The following IL23R variants were observed in gnomAD, a reference collection of about 807,000 sequenced individuals.
IL23R encodes the protein interleukin 23 receptor.
A neutral mutation model predicts 56.9 loss-of-function variants in IL23R; 34 were observed. The ratio of observed to expected loss-of-function variants is 0.60; its 90% CI spans 0.45 to 0.80. IL23R has a LOEUF of 0.80. Ranked by LOEUF, IL23R falls within the 30% of genes least tolerant of loss-of-function variation. IL23R has a pLI of 0.00. For synonymous variants in IL23R, 230 were observed against 249.2 expected, an observed-to-expected ratio of 0.92 and a Z score of 0.73; for missense variants, 635 against 730.0, an observed-to-expected ratio of 0.87 and a Z score of 1.50.
Position 67,229,064 on chromosome 1 carries a change from G to T in IL23R, c.956-7649G>T, listed in dbSNP as rs530362508. On this transcript the variant is annotated intron_variant, in intron 7 of 10. Transcript: ENST00000347310. Reference sequence around the variant, plus strand: ...CAAATTATCTGGCAGATTCTTTGAGGGACACCAGCTGTGTGTCCTCCAAGT... The same window carrying T: ...CAAATTATCTGGCAGATTCTTTGAGTGACACCAGCTGTGTGTCCTCCAAGT... Among the ~76,000 whole-genome samples the T allele has an allele frequency of 2.0e-5, 3 of 152,248 alleles. No homozygotes were observed. The South Asian group carries it at 6.2e-4, about 32-fold the overall frequency.
At chr1:67,170,731 G>A (rs1027437655) in intron 3 of IL23R, among the ~76,000 whole-genome samples, 1 of 152,170 alleles carries the variant, frequency 6.6e-6, no homozygotes, top group Non-Finnish European at 1.5e-5. Context: ...ACATTTTTGA[G>A]AATCAAGCCT....
intron 7 of IL23R, among the ~76,000 whole-genome samples, chr1:67,220,297 A>G (rs988312325): frequency 2.6e-5 from 4 of 152,048 alleles, no homozygotes; most frequent in African/African-American, 9.7e-5. Context: ...TGAACCCAAG[A>G]AGTGGAGGTT....
Position 67,258,668 on chromosome 1 carries a change from T to C in IL23R, c.1430T>C (p.Ile477Thr). The change falls in exon 11 of 11, where the codon ATT (isoleucine) becomes ACT (threonine). Residue 477 changes from isoleucine (I) to threonine (T), a missense_variant. By Grantham distance (89) the Ile-to-Thr change is moderately conservative. Coordinates refer to ENST00000347310, the MANE Select transcript of IL23R (RefSeq NM_144701.3). ...SLFDNTTVVY[I>T]PDLNTGYKPQ... is the part of the protein sequence containing the mutation. ...TTCGACAATACTACAGTTGTATATA[T>C]TCCTGATCTCAACACTGGATATAAA... The C allele has an allele frequency of 1.2e-6, 2 of 1,613,984 alleles. No individual in the cohort carries two copies. The highest frequency in any genetic ancestry group is 1.7e-6 in the Non-Finnish European group (2 of 1,179,966).
intron 9 of IL23R, among the ~76,000 whole-genome samples, chr1:67,247,479 T>C (rs1381612643): frequency 1.3e-5 from 2 of 152,214 alleles, no homozygotes; most frequent in East Asian, 1.9e-4. Flanking sequence ...TAATTTTGTA[T>C]TTTTAGTAGA....
intron 8 of IL23R, 62 bp downstream of exon 8, chr1:67,236,864 C>A: frequency 9.3e-7 from 1 of 1,077,320 alleles, no homozygotes; most frequent in Non-Finnish European, 1.4e-6. Context: ...TTTAACCCAT[C>A]ATACTGAAAA....
chr1:67,178,242 C>A (rs1169925465), intron 3 of IL23R, among the ~76,000 whole-genome samples: 5 of 152,120 alleles, frequency 3.3e-5, no homozygotes, highest in East Asian at 1.9e-4. Flanking sequence ...GATTCTTCCT[C>A]CCCATGAGCA....
intron 3 of IL23R, among the ~76,000 whole-genome samples, chr1:67,176,440 T>C (rs1268365945): frequency 6.6e-6 from 1 of 150,754 alleles, no homozygotes; most frequent in African/African-American, 2.5e-5. Context: ...GAGAACTTCA[T>C]ATTTCTTTTT....
intron 4 of IL23R, among the ~76,000 whole-genome samples, chr1:67,199,145 T>C (rs991066955): frequency 6.6e-6 from 1 of 152,236 alleles, no homozygotes; most frequent in African/African-American, 2.4e-5. Context: ...ATCACTTACA[T>C]GATACAGTCC....
At position 67,219,449 on chromosome 1, in the gene IL23R, C is replaced by T. The variant is rs1570873805; in HGVS notation, c.799-125C>T. 3 of 836,988 alleles carry T rather than the reference C, an allele frequency of 3.6e-6. No individual in the cohort carries two copies. The East Asian group carries it at 7.7e-5, about 22-fold the overall frequency. The allele number at this position is 836,988 out of a possible 1,614,324, so 51.8% of individuals were successfully genotyped here. A position where few individuals can be genotyped will look rare whatever the true frequency, so the allele number is the denominator to read the frequency against. ...GTACGGCCACGTTTTATATAAAGAA[C>T]ACTTTGTTTTCCTAGAGTCTAGAAG... On this transcript the variant is annotated intron_variant, in intron 6 of 10. Transcript: ENST00000347310.
In IL23R at chr1:67,159,935, A is replaced by T. The variant is rs574873076; in HGVS notation, c.-633-8157A>T. Among the ~76,000 whole-genome samples, 7 of 152,304 alleles carry T rather than the reference A, an allele frequency of 4.6e-5. No individual in the cohort carries two copies. In the South Asian group the frequency reaches 1.5e-3, roughly 32 times the overall value. On this transcript the variant is annotated intron_variant, in intron 1 of 10. Coordinates refer to the IL23R transcript ENST00000637002. ...ATTGTTATACACCTGCAGGGACTGA[A>T]TTTTCTCCTGTAACTGTTCATAAGA...
chr1:67,165,446 C>T (rs1275462622), upstream of IL23R, among the ~76,000 whole-genome samples: 1 of 152,112 alleles, frequency 6.6e-6, no homozygotes, highest in East Asian at 1.9e-4. Flanking sequence ...CCTTAGGATC[C>T]AGCAATCCCT....
chr1:67,226,852 G>A (rs187159473), intron 7 of IL23R, among the ~76,000 whole-genome samples: 2 of 152,238 alleles, frequency 1.3e-5, no homozygotes, highest in Admixed American at 1.3e-4. Context: ...GTACTATCTG[G>A]TCACCTCTCT....
intron 9 of IL23R, among the ~76,000 whole-genome samples, chr1:67,245,820 C>T (rs554374492): frequency 1.3e-5 from 2 of 152,230 alleles, no homozygotes; most frequent in South Asian, 2.1e-4. Flanking sequence ...TGATGCTGGC[C>T]TCATAAAATG....
intron 7 of IL23R, among the ~76,000 whole-genome samples, chr1:67,221,518 T>C (rs1466731120): frequency 6.6e-6 from 1 of 152,218 alleles, no homozygotes; most frequent in African/African-American, 2.4e-5. Context: ...TTTAATTTTA[T>C]ATTCATTTAT....
chr1:67,139,316 A>G (rs1427539910), intron 1 of IL23R, among the ~76,000 whole-genome samples: 1 of 152,232 alleles, frequency 6.6e-6, no homozygotes, highest in Non-Finnish European at 1.5e-5. Context: ...GAAGTAAATG[A>G]TTTACCAGTC....
intron 4 of IL23R, among the ~76,000 whole-genome samples, chr1:67,192,804 G>C (rs1647848472): frequency 6.6e-6 from 1 of 152,064 alleles, no homozygotes; most frequent in Admixed American, 6.6e-5. Flanking sequence ...TGCAATCCAA[G>C]CCAGATCATC....
At chr1:67,218,702 T>C (rs1381009676) in intron 6 of IL23R, among the ~76,000 whole-genome samples, 1 of 151,788 alleles carries the variant, frequency 6.6e-6, no homozygotes, top group African/African-American at 2.4e-5. Flanking sequence ...GGCAGAGAGA[T>C]GACTTGTGCC....
rs886081201 is a variant in IL23R at position 67,258,420 on chromosome 1, A to T, written c.1240-58A>T. On this transcript the variant is annotated intron_variant, in intron 10 of 10. Transcript: ENST00000347310. Reference sequence around the variant, plus strand: ...GCAAAATTCCTATCCTCATTCAATTATCCAGTTGGTTCTTTTAAATGTCTT... The same window carrying T: ...GCAAAATTCCTATCCTCATTCAATTTTCCAGTTGGTTCTTTTAAATGTCTT... The T allele has an allele frequency of 6.2e-5, 83 of 1,330,106 alleles. No homozygotes were observed. The Admixed American group carries it at 1.1e-3, about 18-fold the overall frequency. The allele number at this position is 1,330,106 out of a possible 1,614,324, so 82.4% of individuals were successfully genotyped here. A position where few individuals can be genotyped will look rare whatever the true frequency, so the allele number is the denominator to read the frequency against.
chr1:67,189,680 C>A (rs1317297593), intron 4 of IL23R, among the ~76,000 whole-genome samples: 3 of 152,180 alleles, frequency 2.0e-5, no homozygotes, highest in Non-Finnish European at 4.4e-5. Flanking sequence ...CGCAGTGGCT[C>A]ATGCCTGTAA....
Sources: gnomAD v4.1 joint callset for allele counts (sites outside exome capture counted in the v4.1 genomes callset) on GRCh38, gnomAD v4.1.1 for gene constraint, MANE v1.5 for transcripts, NCBI Gene and HGNC (gene_info 2026-07-23, HGNC 2026-07-21) for gene names.